CRHR1: variants seen among roughly 807,000 people sequenced by gnomAD.
CRHR1 encodes corticotropin-releasing hormone receptor 1.
In CRHR1, 28 loss-of-function variants were observed where a neutral mutation model predicts 56.0. That is an observed-to-expected ratio of 0.50 (90% CI 0.37 to 0.69). The LOEUF (loss-of-function observed/expected upper bound fraction) is 0.69, where lower values mean the gene tolerates loss of function less well. Ranked by LOEUF, CRHR1 falls within the 30% of genes least tolerant of loss-of-function variation. The pLI is 0.00. For missense variants in CRHR1, 376 were observed against 548.0 expected (o/e 0.69, Z 3.13); for synonymous variants, 195 against 216.5 (o/e 0.90, Z 0.87).
chr17:45,823,316 T>C (rs2062084923), intron 4 of CRHR1, among the ~76,000 whole-genome samples: 2 of 150,882 alleles, frequency 1.3e-5, no homozygotes, highest in South Asian at 4.2e-4. Flanking sequence ...TCTAATCTAG[T>C]GCGACCCGTT....
At chr17:45,800,761 G>A (rs2146289719) in intron 1 of CRHR1, 1 of 152,310 alleles carries the variant, frequency 6.6e-6, no homozygotes, top group South Asian at 2.1e-4. Context: ...GGGGCTCTGG[G>A]GACTCTCCCA....
At chr17:45,794,260 G>C (rs150000141) in intron 1 of CRHR1, among the ~76,000 whole-genome samples, 175 of 152,370 alleles carry the variant, frequency 1.1e-3, no homozygotes, top group African/African-American at 4.1e-3. Context: ...GGATGTCACC[G>C]CAGGGATGGA....
intron 1 of CRHR1, among the ~76,000 whole-genome samples, chr17:45,785,090 C>G (rs2061310202): frequency 6.6e-6 from 1 of 152,208 alleles, no homozygotes; most frequent in South Asian, 2.1e-4. Context: ...GCCGCCCGCG[C>G]CTGCGAGCCC....
At chr17:45,824,423 G>A (rs1419152190) in intron 4 of CRHR1, among the ~76,000 whole-genome samples, 1 of 152,168 alleles carries the variant, frequency 6.6e-6, no homozygotes, top group African/African-American at 2.4e-5. Context: ...GGTCTTCGTG[G>A]TTCACCTGTC....
chr17:45,795,333 T>A (rs1159597282), intron 1 of CRHR1, among the ~76,000 whole-genome samples: 1 of 152,166 alleles, frequency 6.6e-6, no homozygotes, highest in Non-Finnish European at 1.5e-5. Context: ...GCCCCCATAA[T>A]GGGCAGGCAG....
chr17:45,816,106 G>A lies in CRHR1; in HGVS notation c.122-357G>A, dbSNP rs1215442548. On this transcript the variant is annotated intron_variant, in intron 2 of 12. Transcript: ENST00000314537. ...TCAGAGCTCCAGGCTGTCACCATGC[G>A]AGGGACCAAGAGAAGTGTCCTTAGG... Among the ~76,000 whole-genome samples the A allele has an allele frequency of 6.6e-5, 10 of 152,236 alleles. No homozygotes were observed. In the South Asian group the frequency reaches 1.0e-3, roughly 16 times the overall value.
chr17:45,819,913 G>C (rs1247298066), intron 3 of CRHR1, among the ~76,000 whole-genome samples: 1 of 152,214 alleles, frequency 6.6e-6, no homozygotes, highest in Non-Finnish European at 1.5e-5. Flanking sequence ...TTCTTGTCCT[G>C]ATGCTGCCAG....
intron 2 of CRHR1, among the ~76,000 whole-genome samples, chr17:45,808,065 C>A (rs551703646): frequency 5.3e-5 from 8 of 152,302 alleles, no homozygotes; most frequent in African/African-American, 1.9e-4. Context: ...GTCTTCAAGC[C>A]TCTCCTTGAT....
intron 1 of CRHR1, among the ~76,000 whole-genome samples, chr17:45,802,863 G>A (rs1260520318): frequency 6.6e-6 from 1 of 152,148 alleles, no homozygotes; most frequent in African/African-American, 2.4e-5. Flanking sequence ...ATTAAGATGC[G>A]AGAATAAGAA....
At position 45,835,122 on chromosome 17, in the gene CRHR1, G is replaced by C. The variant is rs1032869341; in HGVS notation, c.*358G>C. 4 of 269,256 alleles carry C rather than the reference G, an allele frequency of 1.5e-5. No individual in the cohort carries two copies. The highest frequency in any genetic ancestry group is 2.8e-5 in the Non-Finnish European group (4 of 143,520). 16.7% of individuals were successfully genotyped at this position (269,256 alleles called of 1,614,324 possible). ...AGAGCACAAGAAGGCCAGCCCACTG[G>C]GCCCTGGGGCTGCCCTCGGCAACCG... is the stretch of plus-strand genomic sequence containing the variant. On this transcript the variant is annotated 3_prime_UTR_variant, in exon 13 of 13. Transcript: ENST00000314537.
At chr17:45,790,662 T>C (rs2061410226) in intron 1 of CRHR1, among the ~76,000 whole-genome samples, 1 of 152,104 alleles carries the variant, frequency 6.6e-6, no homozygotes, top group Non-Finnish European at 1.5e-5. Flanking sequence ...TCTGCCCCCC[T>C]CCGCATGTCA....
chr17:45,816,640 C>G, intron 3 of CRHR1, 58 bp downstream of exon 3: 1 of 1,607,086 alleles, frequency 6.2e-7, no homozygotes, highest in Middle Eastern at 1.7e-4. Context: ...ATGGGGAGAG[C>G]TTGGAGGTGG....
At position 45,829,164 on chromosome 17, in the gene CRHR1, G is replaced by A. The variant is rs776478032; in HGVS notation, c.328-51G>A. On this transcript the variant is annotated intron_variant, in intron 4 of 12. Coordinates refer to ENST00000314537, the MANE Select transcript of CRHR1 (RefSeq NM_004382.5). ...CACCCCTAGGCGATGTCCTCACAGA[G>A]CAGCTCCCATCCAGCAGAAGGCTCA... The A allele has an allele frequency of 2.1e-6, 3 of 1,433,004 alleles. No homozygotes were observed. In the African/African-American group the frequency reaches 4.2e-5, roughly 20 times the overall value. 88.8% of individuals were successfully genotyped at this position (1,433,004 alleles called of 1,614,324 possible). A position where few individuals can be genotyped will look rare whatever the true frequency, so the allele number is the denominator to read the frequency against.
chr17:45,789,745 G>A (rs944494914), intron 1 of CRHR1, among the ~76,000 whole-genome samples: 4 of 152,316 alleles, frequency 2.6e-5, no homozygotes, highest in East Asian at 1.9e-4. Context: ...CCCACCCAGT[G>A]TGGCAGTCAA....
At chr17:45,818,825 G>A (rs1008363502) in intron 3 of CRHR1, among the ~76,000 whole-genome samples, 3 of 152,280 alleles carry the variant, frequency 2.0e-5, no homozygotes, top group Middle Eastern at 6.8e-3. Flanking sequence ...TGCTGCATCT[G>A]ATCTTCAAAG....
chr17:45,794,205 T>C (rs1026845298), intron 1 of CRHR1, among the ~76,000 whole-genome samples: 2 of 152,246 alleles, frequency 1.3e-5, no homozygotes, highest in Non-Finnish European at 2.9e-5. Flanking sequence ...AGCATCTGAA[T>C]TGGTCTAGAC....
intron 1 of CRHR1, among the ~76,000 whole-genome samples, chr17:45,785,297 C>A (rs953532411): frequency 6.6e-6 from 1 of 152,238 alleles, no homozygotes; most frequent in Admixed American, 6.5e-5. Context: ...AGCGTCTGCC[C>A]GCTGAAGTTC....
At chr17:45,818,549 G>A (rs892527747) in intron 3 of CRHR1, among the ~76,000 whole-genome samples, 3 of 152,160 alleles carry the variant, frequency 2.0e-5, no homozygotes, top group Non-Finnish European at 2.9e-5. Context: ...ATTGAGTGTG[G>A]TGCTCTCTAG....
At chr17:45,827,331 C>A (rs1413116541) in intron 4 of CRHR1, among the ~76,000 whole-genome samples, 2 of 152,264 alleles carry the variant, frequency 1.3e-5, no homozygotes, top group African/African-American at 4.8e-5. Flanking sequence ...CCCGCCCAGC[C>A]TGGGCCTGTG....
Sources: allele counts gnomAD v4.1 joint callset (sites outside exome capture counted in the v4.1 genomes callset), GRCh38; gene constraint gnomAD v4.1.1; transcripts MANE v1.5; gene names NCBI Gene and HGNC (gene_info 2026-07-23, HGNC 2026-07-21).